CACNA1A: variants seen among roughly 807,000 people sequenced by gnomAD.
CACNA1A encodes the protein calcium voltage-gated channel subunit alpha1 A.
In CACNA1A, 57 loss-of-function variants were observed where a neutral mutation model predicts 262.4. The observed-to-expected ratio is 0.22, with a 90% CI of 0.18 to 0.27. The LOEUF (loss-of-function observed/expected upper bound fraction) is 0.27, where lower values mean the gene tolerates loss of function less well. Among genes scored for constraint, CACNA1A ranks in the 10% least tolerant of loss-of-function variants. The pLI is 1.00. For missense variants in CACNA1A, 2,526 were observed against 3,562.8 expected (o/e 0.71, Z 7.41); for synonymous variants, 1,431 against 1,419.3 (o/e 1.01, Z -0.18).
chr19:13,314,975 G>T (rs1223670567), intron 11 of CACNA1A, among the ~76,000 whole-genome samples: 3 of 152,080 alleles, frequency 2.0e-5, no homozygotes, highest in African/African-American at 7.2e-5. Flanking sequence ...CTGAGATCTT[G>T]TTCCTCAGTT....
At position 13,338,214 on chromosome 19, in the gene CACNA1A, C is replaced by CA. The variant is rs538455992; in HGVS notation, c.979-2306dup. On this transcript the variant is annotated intron_variant, in intron 6 of 46. Transcript: ENST00000360228. The stretch of plus-strand genomic sequence containing the variant: ...TGGGCAACAGAGCGAGACTTCGTCT[C>CA]AAAAAAAAAAGAATCTAAAAACAGA... Among the ~76,000 whole-genome samples, 1,070 of 145,896 alleles carry CA rather than the reference C, an allele frequency of 7.3e-3. 14 individuals carry two copies. The highest frequency in any genetic ancestry group is 0.022 in the African/African-American group (876 of 39,668).
At chr19:13,314,817 CCTT>C (rs1367158221) in intron 11 of CACNA1A, among the ~76,000 whole-genome samples, 11 of 152,122 alleles carry the variant, frequency 7.2e-5, no homozygotes, top group Admixed American at 1.3e-4. Flanking sequence ...CAAAATTTCT[CCTT>C]ATTTATAGGA....
chr19:13,255,036 G>T (rs2144734460), intron 29 of CACNA1A, 59 bp downstream of exon 29: 1 of 1,562,692 alleles, frequency 6.4e-7, no homozygotes, highest in East Asian at 2.3e-5. Context: ...TTTTATCAGG[G>T]TAGAGGCAGG....
chr19:13,286,594 G>A lies in CACNA1A; in HGVS notation c.3462C>T (p.Thr1154=), dbSNP rs765124651. The A allele has an allele frequency of 3.2e-6, 5 of 1,547,150 alleles. No individual in the cohort carries two copies. Among genetic ancestry groups the A allele is most frequent in the Middle Eastern group, 1.8e-4 (1 of 5,690 alleles). The change falls in exon 20 of 47, where the codon ACC becomes ACT. Residue 1154 remains threonine (T), a synonymous_variant. Transcript: ENST00000360228. The stretch of plus-strand genomic sequence containing the variant: ...GTTTCCTGGCAGTCTTAGCTGAATT[G>A]GTCTGGGTGCCGCTGGGGTTGGTGA... ...LIVTNPSGTQ[T]NSAKTARKPD...
rs34849471 is a variant in CACNA1A at position 13,360,265 on chromosome 19, G to GTATATATATATATATATATATA, written c.785-467_785-466insTATATATATATATATATATATA. On this transcript the variant is annotated intron_variant, in intron 5 of 46. Transcript: ENST00000360228. ...ATTAGGTGTCTGTGTGTGTGTGTGT[G>GTATATATATATATATATATATA]TATATATATATATATATATATGAAG... Among the ~76,000 whole-genome samples, 674 of 124,034 alleles carry GTATATATATATATATATATATA rather than the reference G, an allele frequency of 5.4e-3. 13 individuals carry two copies. The highest frequency in any genetic ancestry group is 8.2e-3 in the Non-Finnish European group (487 of 59,534). The allele number at this position is 124,034 out of a possible 152,430, so 81.4% of individuals were successfully genotyped here. A position where few individuals can be genotyped will look rare whatever the true frequency, so the allele number is the denominator to read the frequency against.
At chr19:13,400,208 G>A (rs1200937225) in intron 3 of CACNA1A, among the ~76,000 whole-genome samples, 1 of 152,144 alleles carries the variant, frequency 6.6e-6, no homozygotes, top group Admixed American at 6.6e-5. Context: ...GTGTGTGTGT[G>A]GGTGTGCAAG....
At chr19:13,467,676 C>T (rs1271510583) in intron 1 of CACNA1A, among the ~76,000 whole-genome samples, 1 of 150,924 alleles carries the variant, frequency 6.6e-6, no homozygotes, top group African/African-American at 2.4e-5. Flanking sequence ...GTGATCTCGG[C>T]TCACTGCAGC....
chr19:13,230,521 C>G (rs2055624006), intron 35 of CACNA1A, among the ~76,000 whole-genome samples: 1 of 152,038 alleles, frequency 6.6e-6, no homozygotes, highest in African/African-American at 2.4e-5. Flanking sequence ...GAGACAAAGA[C>G]TGGCCGGGCA....
At chr19:13,256,559 T>A (rs1036162755) in intron 28 of CACNA1A, 1 of 151,934 alleles carries the variant, frequency 6.6e-6, no homozygotes, top group Non-Finnish European at 1.5e-5. Flanking sequence ...GGCATAATGA[T>A]AGCTCACTGC....
At chr19:13,221,246 T>TA (rs1345170231) in intron 38 of CACNA1A, among the ~76,000 whole-genome samples, 1 of 57,200 alleles carries the variant, frequency 1.7e-5, no homozygotes, top group African/African-American at 7.9e-5. Context: ...TTTTTTTTTT[T>TA]TTTTTGAGAC....
chr19:13,285,543 G>A (rs77160776), intron 20 of CACNA1A, among the ~76,000 whole-genome samples: 1,977 of 152,078 alleles, frequency 0.013, 56 homozygotes, highest in African/African-American at 0.046. Flanking sequence ...GTGCGGTGGG[G>A]CCCTCATGGG....
rs781588570 is a variant in CACNA1A, at chr19:13,234,921, C to T, written c.5249G>A (p.Arg1750Gln). Residue 1750 changes from arginine (R) to glutamine (Q), a missense_variant and splice_region_variant, in exon 34 of 47, where the codon CGG (arginine) becomes CAG (glutamine). Physicochemically the swap from Arg to Gln is conservative, Grantham distance 43. This residue lies in a region of CACNA1A where 39 missense variants were observed against 124.9 expected (regional missense o/e 0.31). Coordinates refer to ENST00000360228, the MANE Select transcript of CACNA1A (RefSeq NM_001127222.2). ...TFFQALMLLFRSATGEAWHNI... is the reference protein window; with the variant it reads ...TFFQALMLLFQSATGEAWHNI... Reference sequence around the variant, plus strand: ...TTATCAGAGCAGGTCCCCTTCTCACCGGAAGAGAAGCATGAGGGCCTGGAA... The same window carrying T: ...TTATCAGAGCAGGTCCCCTTCTCACTGGAAGAGAAGCATGAGGGCCTGGAA... 1.2e-6 allele frequency: 2 copies of T among 1,607,112 alleles called. No individual in the cohort carries two copies. The highest frequency in any genetic ancestry group is 1.7e-6 in the Non-Finnish European group (2 of 1,173,572).
chr19:13,396,021 G>A (rs1465588502), intron 3 of CACNA1A, among the ~76,000 whole-genome samples: 3 of 152,162 alleles, frequency 2.0e-5, no homozygotes, highest in East Asian at 1.9e-4. Flanking sequence ...CTTAAAAAAC[G>A]GACAATTTCC....
intron 1 of CACNA1A, among the ~76,000 whole-genome samples, chr19:13,473,478 T>G (rs1299339652): frequency 1.3e-5 from 2 of 152,204 alleles, no homozygotes; most frequent in Non-Finnish European, 2.9e-5. Flanking sequence ...CTTCCAGCCT[T>G]CAGAACTGGG....
At chr19:13,321,978 C>A (rs528287289) in intron 10 of CACNA1A, among the ~76,000 whole-genome samples, 1 of 152,134 alleles carries the variant, frequency 6.6e-6, no homozygotes, top group South Asian at 2.1e-4. Context: ...CCGAGATGGG[C>A]AGATCGTAAG....
At chr19:13,465,432 C>A (rs75688303) in intron 1 of CACNA1A, among the ~76,000 whole-genome samples, 1 of 152,116 alleles carries the variant, frequency 6.6e-6, no homozygotes, top group Admixed American at 6.5e-5. Context: ...GAATTAAACA[C>A]GATGTTGCCT....
intron 3 of CACNA1A, among the ~76,000 whole-genome samples, chr19:13,403,269 T>G (rs1356143864): frequency 6.6e-6 from 1 of 151,952 alleles, no homozygotes; most frequent in Non-Finnish European, 1.5e-5. Flanking sequence ...CTGAGTGAAG[T>G]GTTGTTCTTT....
At chr19:13,486,835 C>T (rs1023393723) in intron 1 of CACNA1A, among the ~76,000 whole-genome samples, 4 of 151,820 alleles carry the variant, frequency 2.6e-5, no homozygotes, top group Admixed American at 6.6e-5. Flanking sequence ...TCTTTCTCAC[C>T]TTCCACTTTT....
At chr19:13,354,417 G>A (rs2058968831) in intron 6 of CACNA1A, among the ~76,000 whole-genome samples, 1 of 152,158 alleles carries the variant, frequency 6.6e-6, no homozygotes, top group Admixed American at 6.5e-5. Flanking sequence ...ATAGACCCAG[G>A]GCAGGGCTAG....
Sources: allele counts gnomAD v4.1 joint callset (sites outside exome capture counted in the v4.1 genomes callset), GRCh38; gene constraint gnomAD v4.1.1; regional missense constraint gnomAD v4.1.1; transcripts MANE v1.5; gene names NCBI Gene and HGNC (gene_info 2026-07-23, HGNC 2026-07-21).